CERS1: variants seen among roughly 807,000 people sequenced by gnomAD.
CERS1 encodes the protein Embryonic growth/differentiation factor 1.
CERS1 carries 16 observed loss-of-function variants against 35.7 expected under a neutral mutation model. That is an observed-to-expected ratio of 0.45 (90% CI 0.30 to 0.68). The LOEUF (loss-of-function observed/expected upper bound fraction) is 0.68. CERS1 is among the 30% of genes least tolerant of loss of function. The probability of loss-of-function intolerance (pLI) is 0.08; values close to 1 mark genes in which losing one functional copy is unlikely to be tolerated. For missense variants in CERS1, 454 were observed against 453.9 expected (o/e 1.00, Z 0.00); for synonymous variants, 243 against 201.6 (o/e 1.21, Z -1.74).
chr19:18,875,546 A>G (rs2056045489), intron 6 of CERS1, among the ~76,000 whole-genome samples: 1 of 151,690 alleles, frequency 6.6e-6, no homozygotes, highest in Admixed American at 6.6e-5. Context: ...CTGTCTCAAA[A>G]AAAAAAAAAA....
chr19:18,895,963 C>G lies in CERS1; in HGVS notation c.110G>C (p.Cys37Ser). The change falls in exon 1 of 8, where the codon TGC becomes TCC. Residue 37 changes from cysteine to serine, a missense_variant. Coordinates refer to ENST00000623882, the MANE Select transcript of CERS1 (RefSeq NM_021267.5). The surrounding 1 kb of genome is among the most constrained non-coding windows in gnomAD (Gnocchi z 6.4). ...CGCCAGCCCCCAGCCGCAGTCCGTG[C>G]AGCCCCGCGCCGCCGCCAGCGCGCT... ...WGSALAAARG[C>S]TDCGWGLARR... 9.3e-7 allele frequency: 1 copy of G among 1,077,166 alleles called. No individual in the cohort carries two copies. 66.7% of individuals were successfully genotyped at this position (1,077,166 alleles called of 1,614,324 possible).
rs113080020 is a variant in CERS1 at position 18,878,037 on chromosome 19, A to C, written c.1010+893T>G. 1.5e-4 allele frequency: 143 copies of C among 985,432 alleles called. No individual in the cohort carries two copies. In the African/African-American group the frequency reaches 1.8e-3, roughly 13 times the overall value. The allele number at this position is 985,432 out of a possible 1,614,324, so 61.0% of individuals were successfully genotyped here. On this transcript the variant is annotated intron_variant, in intron 6 of 7. Coordinates refer to ENST00000623882, the MANE Select transcript of CERS1 (RefSeq NM_021267.5). This position sits in a 1 kb window ranked among gnomAD's most constrained non-coding sequence, Gnocchi z 4.6. ...CCTGGCTACAGCCCCGGATGTGTTA[A>C]ATGTCTGCATCTCGCACCTCCCGTT...
Position 18,878,256 on chromosome 19 carries a change from T to G in CERS1, c.1010+674A>C. The G allele has an allele frequency of 4.1e-6, 4 of 985,798 alleles. No individual in the cohort carries two copies. Among genetic ancestry groups the G allele is most frequent in the Non-Finnish European group, 4.8e-6 (4 of 830,308 alleles). The allele number at this position is 985,798 out of a possible 1,614,324, so 61.1% of individuals were successfully genotyped here. Reference sequence around the variant, plus strand: ...GAGACACTGCACACCCGACTCTGCTTGTTACCCAGTTTGGCCTCCGTTCAT... The same window carrying G: ...GAGACACTGCACACCCGACTCTGCTGGTTACCCAGTTTGGCCTCCGTTCAT... On this transcript the variant is annotated intron_variant, in intron 6 of 7. Coordinates refer to ENST00000623882, the MANE Select transcript of CERS1 (RefSeq NM_021267.5). The surrounding 1 kb of genome is among the most constrained non-coding windows in gnomAD (Gnocchi z 4.6).
At chr19:18,869,713 A>AT (rs1295757776) in intron 7 of CERS1, among the ~76,000 whole-genome samples, 1 of 103,584 alleles carries the variant, frequency 9.7e-6, no homozygotes, top group Non-Finnish European at 1.8e-5. Context: ...GCAGGAAGGC[A>AT]TTAGTGTCAA....
intron 3 of CERS1, among the ~76,000 whole-genome samples, chr19:18,880,967 G>A (rs1568299292): frequency 6.6e-6 from 1 of 152,144 alleles, no homozygotes; most frequent in Non-Finnish European, 1.5e-5. Context: ...CCAAAGTGCT[G>A]GGATTACAGG....
In CERS1 at chr19:18,869,107, C is replaced by A; in HGVS notation, c.*878G>T. On this transcript the variant is annotated 3_prime_UTR_variant, in exon 8 of 8. Coordinates refer to ENST00000623882, the MANE Select transcript of CERS1 (RefSeq NM_021267.5). ...TGCGCGGCCATGAGGCGTTGCGAGC[C>A]CAAGCGGCGCCCAGCAGCTCCGCGC... The A allele has an allele frequency of 9.2e-7, 1 of 1,082,808 alleles. No homozygotes were observed. Among genetic ancestry groups the A allele is most frequent in the Non-Finnish European group, 1.1e-6 (1 of 891,794 alleles). 67.1% of individuals were successfully genotyped at this position (1,082,808 alleles called of 1,614,324 possible). A position where few individuals can be genotyped will look rare whatever the true frequency, so the allele number is the denominator to read the frequency against.
intron 1 of CERS1, among the ~76,000 whole-genome samples, chr19:18,894,428 C>A (rs540031258): frequency 6.6e-6 from 1 of 152,280 alleles, no homozygotes; most frequent in South Asian, 2.1e-4. Flanking sequence ...CCAAGAAGAT[C>A]AGCTTTGGAA....
chr19:18,892,744 G>T (rs1302453285), intron 2 of CERS1, among the ~76,000 whole-genome samples: 2 of 152,056 alleles, frequency 1.3e-5, no homozygotes, highest in Admixed American at 6.6e-5. Context: ...CCGACACCTG[G>T]AATGCCTGCC....
intron 6 of CERS1, among the ~76,000 whole-genome samples, chr19:18,876,536 TTGTG>T (rs60266196): frequency 2.4e-4 from 34 of 143,272 alleles, no homozygotes; most frequent in South Asian, 8.9e-4. Context: ...TTTGATTGGG[TTGTG>T]TGTGTGTGTG....
chr19:18,895,570 G>T lies in CERS1; in HGVS notation c.249+254C>A, dbSNP rs1431658598. On this transcript the variant is annotated intron_variant, in intron 1 of 7. Coordinates refer to ENST00000623882, the MANE Select transcript of CERS1 (RefSeq NM_021267.5). The surrounding 1 kb of genome is among the most constrained non-coding windows in gnomAD (Gnocchi z 6.4). ...CCATGTCCCAGACTCACCCCAGCCC[G>T]GCCACACCCCCGCATCTACCCGGTT... 6.7e-6 allele frequency among the ~76,000 whole-genome samples: 1 copy of T among 150,198 alleles called. No individual in the cohort carries two copies. Among genetic ancestry groups the T allele is most frequent in the Admixed American group, 6.6e-5 (1 of 15,108 alleles).
At chr19:18,894,775 T>C (rs1188451079) in intron 1 of CERS1, among the ~76,000 whole-genome samples, 1 of 150,034 alleles carries the variant, frequency 6.7e-6, no homozygotes, top group Non-Finnish European at 1.5e-5. Context: ...GTGGGGAGAG[T>C]GGCAGTCAGA....
intron 2 of CERS1, among the ~76,000 whole-genome samples, chr19:18,889,318 C>G (rs914458150): frequency 2.6e-5 from 4 of 152,186 alleles, no homozygotes; most frequent in Non-Finnish European, 5.9e-5. Flanking sequence ...CCTGCTGGAT[C>G]TGTTGCCCAC....
Position 18,870,412 on chromosome 19 carries a change from G to T in CERS1, c.*165C>A. 2 of 1,288,446 alleles carry T rather than the reference G, an allele frequency of 1.6e-6. No individual in the cohort carries two copies. The highest frequency in any genetic ancestry group is 2.2e-6 in the Non-Finnish European group (2 of 928,776). The allele number at this position is 1,288,446 out of a possible 1,614,324, so 79.8% of individuals were successfully genotyped here. A position where few individuals can be genotyped will look rare whatever the true frequency, so the allele number is the denominator to read the frequency against. On this transcript the variant is annotated 3_prime_UTR_variant, in exon 7 of 8. Transcript: ENST00000623882. The surrounding 1 kb of genome is among the most constrained non-coding windows in gnomAD (Gnocchi z 5.1). ...CCCCGGAGGGGCAGGGGTCCTGGGG[G>T]GCGTGGCCGGGAACTGGAGGCAGGA...
chr19:18,885,898 GCTGC>G (rs2056344846), intron 2 of CERS1, among the ~76,000 whole-genome samples: 1 of 152,150 alleles, frequency 6.6e-6, no homozygotes, highest in Non-Finnish European at 1.5e-5. Context: ...GACAGATGCG[GCTGC>G]CCACGGAGTC....
chr19:18,895,714 A>G lies in CERS1; in HGVS notation c.249+110T>C. The G allele has an allele frequency of 1.9e-6, 1 of 527,218 alleles. No individual in the cohort carries two copies. Among genetic ancestry groups the G allele is most frequent in the South Asian group, 5.7e-5 (1 of 17,480 alleles). 32.7% of individuals were successfully genotyped at this position (527,218 alleles called of 1,614,324 possible). A position where few individuals can be genotyped will look rare whatever the true frequency, so the allele number is the denominator to read the frequency against. ...CCACCCACGTTCCGGCGACCCCTTC[A>G]TCCGCAGCAGCCAGCGCTGGAAGAA... On this transcript the variant is annotated intron_variant, in intron 1 of 7. Coordinates refer to ENST00000623882, the MANE Select transcript of CERS1 (RefSeq NM_021267.5). This position sits in a 1 kb window ranked among gnomAD's most constrained non-coding sequence, Gnocchi z 6.4.
At chr19:18,879,176 G>A in intron 5 of CERS1, 65 bp downstream of exon 5, 1 of 1,606,018 alleles carries the variant, frequency 6.2e-7, no homozygotes, top group South Asian at 1.1e-5. Flanking sequence ...GACTGCCTGA[G>A]GAGGGGACAG....
Position 18,885,104 on chromosome 19 carries a change from A to C in CERS1, c.410-837T>G, listed in dbSNP as rs1358002265. Among the ~76,000 whole-genome samples, 11 of 152,320 alleles carry C rather than the reference A, an allele frequency of 7.2e-5. No individual in the cohort carries two copies. In the South Asian group the frequency reaches 2.3e-3, roughly 32 times the overall value. Reference sequence around the variant, plus strand: ...AAGTTCCTTTCTTTCTTCTGCCCCAACATACCCACAGATTTCCATTTCCCT... The same window carrying C: ...AAGTTCCTTTCTTTCTTCTGCCCCACCATACCCACAGATTTCCATTTCCCT... On this transcript the variant is annotated intron_variant, in intron 2 of 7. Coordinates refer to ENST00000623882, the MANE Select transcript of CERS1 (RefSeq NM_021267.5).
At chr19:18,876,458 C>T (rs1392839247) in intron 6 of CERS1, among the ~76,000 whole-genome samples, 2 of 152,172 alleles carry the variant, frequency 1.3e-5, no homozygotes, top group Admixed American at 6.6e-5. Context: ...CCTCCCACCT[C>T]AGCCTCCTGA....
chr19:18,874,684 C>T (rs576789910), intron 6 of CERS1, among the ~76,000 whole-genome samples: 36 of 152,246 alleles, frequency 2.4e-4, no homozygotes, highest in African/African-American at 7.9e-4. Flanking sequence ...AAGCTACGGG[C>T]GTCAGTGTAG....
Sources: allele counts gnomAD v4.1 joint callset (sites outside exome capture counted in the v4.1 genomes callset), GRCh38; gene constraint gnomAD v4.1.1; non-coding constraint Gnocchi (gnomAD v3.1); transcripts MANE v1.5; gene names NCBI Gene and HGNC (gene_info 2026-07-23, HGNC 2026-07-21).